GFM2: variants seen among roughly 807,000 people sequenced by gnomAD.
GFM2 encodes the protein ribosome-releasing factor 2, mitochondrial.
In GFM2, 72 loss-of-function variants were observed where a neutral mutation model predicts 95.4. That is an observed-to-expected ratio of 0.76 (90% CI 0.62 to 0.92). The LOEUF (loss-of-function observed/expected upper bound fraction) is 0.92. Ranked by LOEUF, GFM2 falls within the 40% of genes least tolerant of loss-of-function variation. GFM2 has a pLI of 0.00. For missense variants in GFM2, 825 were observed against 924.1 expected (o/e 0.89, Z 1.39); for synonymous variants, 276 against 317.5 (o/e 0.87, Z 1.39).
rs1164598653 is a variant in GFM2, at chr5:74,728,555, T to G, written c.1726+1705A>C. ...AAACCCATGTTGTTCAAGGGTCAAC[T>G]GTACTTTCTATCGCCTCTCTTATTT... On this transcript the variant is annotated intron_variant, in intron 17 of 20. Transcript: ENST00000296805. Among the ~76,000 whole-genome samples, 3 of 152,196 alleles carry G rather than the reference T, an allele frequency of 2.0e-5. No individual in the cohort carries two copies. The East Asian group carries it at 5.8e-4, about 29-fold the overall frequency.
chr5:74,733,896 G>T (rs1358347319), intron 15 of GFM2, among the ~76,000 whole-genome samples: 1 of 152,112 alleles, frequency 6.6e-6, no homozygotes, highest in Non-Finnish European at 1.5e-5. Flanking sequence ...CGAAAATAAT[G>T]TATATTTTAG....
intron 7 of GFM2, among the ~76,000 whole-genome samples, chr5:74,749,768 T>A (rs1743598319): frequency 6.6e-6 from 1 of 152,178 alleles, no homozygotes. Context: ...GTGTTTTTAA[T>A]TTTTTTGTTT....
At chr5:74,738,998 C>T (rs140248872) in intron 12 of GFM2, among the ~76,000 whole-genome samples, 85 of 152,216 alleles carry the variant, frequency 5.6e-4, no homozygotes, top group African/African-American at 1.8e-3. Flanking sequence ...ACTGCTTTTA[C>T]GCTCTCCTTC....
intron 5 of GFM2, among the ~76,000 whole-genome samples, chr5:74,751,842 G>A (rs1743732024): frequency 6.6e-6 from 1 of 152,096 alleles, no homozygotes; most frequent in African/African-American, 2.4e-5. Flanking sequence ...GAGGCCGAGT[G>A]GTACAGTGAA....
At position 74,721,746 on chromosome 5, in the gene GFM2, G is replaced by A. The variant is rs1561231094; in HGVS notation, c.2249C>T (p.Ser750Leu). The change falls in exon 21 of 21, where the codon TCA becomes TTA. Residue 750 changes from serine (S) to leucine (L), a missense_variant. Physicochemically the swap from Ser to Leu is moderately radical, Grantham distance 145 (BLOSUM62 -2). Coordinates refer to ENST00000296805, the MANE Select transcript of GFM2 (RefSeq NM_032380.5). ...AGATAGTTCTAAGGCAAAAGTAGCTGAGCCTGATGTTAGCGTTCGAAGCAC... is the reference window on the plus strand; with the variant it reads ...AGATAGTTCTAAGGCAAAAGTAGCTAAGCCTGATGTTAGCGTTCGAAGCAC... ...STVLRTLTSG[S>L]ATFALELSTY... is the part of the protein sequence containing the mutation. The A allele has an allele frequency of 1.9e-6, 3 of 1,613,490 alleles. No individual in the cohort carries two copies. Among genetic ancestry groups the A allele is most frequent in the South Asian group, 2.2e-5 (2 of 90,972 alleles).
Position 74,725,681 on chromosome 5 carries a change from T to G in GFM2, c.1987A>C (p.Thr663Pro). Reference sequence around the variant, plus strand: ...GAGACACAGGCAGAAATCATAGTTGTGGAGGTGCCAGGATGAATTGTCAGG... The same window carrying G: ...GAGACACAGGCAGAAATCATAGTTGGGGAGGTGCCAGGATGAATTGTCAGG... ...HSLTIHPGTSTTMISACVSRC... is the reference protein window; with the variant it reads ...HSLTIHPGTSPTMISACVSRC... Residue 663 changes from threonine (T) to proline (P), a missense_variant, in exon 19 of 21, where the codon ACA (threonine) becomes CCA (proline). Transcript: ENST00000296805. 1 of 1,613,842 alleles carries G rather than the reference T, an allele frequency of 6.2e-7. No individual in the cohort carries two copies. Among genetic ancestry groups the G allele is most frequent in the Non-Finnish European group, 8.5e-7 (1 of 1,179,830 alleles).
intron 1 of GFM2, among the ~76,000 whole-genome samples, chr5:74,765,970 G>A (rs1317634005): frequency 6.6e-6 from 1 of 151,972 alleles, no homozygotes; most frequent in East Asian, 1.9e-4. Flanking sequence ...TTGCACTCCA[G>A]CCTGTGCGAC....
At chr5:74,722,176 C>A in intron 20 of GFM2, 1 of 577,120 alleles carries the variant, frequency 1.7e-6, no homozygotes, top group Non-Finnish European at 3.0e-6. Flanking sequence ...GTAAATACCC[C>A]CTTGTAGTGC....
At chr5:74,740,745 C>G (rs927413140) in intron 11 of GFM2, among the ~76,000 whole-genome samples, 2 of 152,030 alleles carry the variant, frequency 1.3e-5, no homozygotes, top group African/African-American at 4.8e-5. Flanking sequence ...CAAAAATAAA[C>G]AGTTTCAAAA....
intron 16 of GFM2, among the ~76,000 whole-genome samples, chr5:74,731,192 T>A (rs1742544533): frequency 6.6e-6 from 1 of 152,166 alleles, no homozygotes; most frequent in African/African-American, 2.4e-5. Context: ...ATGGGGGGAA[T>A]AACCTTTCTA....
chr5:74,724,653 C>T (rs1007863550), intron 19 of GFM2, among the ~76,000 whole-genome samples: 28 of 151,994 alleles, frequency 1.8e-4, no homozygotes, highest in Admixed American at 1.4e-3. Context: ...AAACTCATGT[C>T]GAAGAGATAT....
chr5:74,750,738 C>T, intron 6 of GFM2, 71 bp from the exon 7 acceptor site: 1 of 1,082,194 alleles, frequency 9.2e-7, no homozygotes, highest in Non-Finnish European at 1.4e-6. Flanking sequence ...AATCTCACAT[C>T]TCACTCCTGG....
At chr5:74,763,205 G>A (rs773007684) in intron 2 of GFM2, among the ~76,000 whole-genome samples, 5 of 152,180 alleles carry the variant, frequency 3.3e-5, no homozygotes, top group South Asian at 2.1e-4. Flanking sequence ...TCAGACTGCC[G>A]AAGAAGCTGG....
chr5:74,759,348 TGA>T lies in GFM2; in HGVS notation c.206+19_206+20del. On this transcript the variant is annotated intron_variant, in intron 4 of 20. Transcript: ENST00000296805. Reference sequence around the variant, plus strand: ...TTTCGTGACAGTCTATGGAAAAGCATGATATAATGATAGTACTTACTTAGCTA... The same window carrying T: ...TTTCGTGACAGTCTATGGAAAAGCATTATAATGATAGTACTTACTTAGCTA... 1 of 1,370,472 alleles carries T rather than the reference TGA, an allele frequency of 7.3e-7. No homozygotes were observed. The highest frequency in any genetic ancestry group is 1.0e-6 in the Non-Finnish European group (1 of 976,734). The allele number at this position is 1,370,472 out of a possible 1,614,324, so 84.9% of individuals were successfully genotyped here. A position where few individuals can be genotyped will look rare whatever the true frequency, so the allele number is the denominator to read the frequency against.
chr5:74,728,112 G>A (rs1750231359), intron 17 of GFM2, among the ~76,000 whole-genome samples: 1 of 151,996 alleles, frequency 6.6e-6, no homozygotes, highest in South Asian at 2.1e-4. Context: ...ACCTATTTTT[G>A]ATCGTTTCTT....
At chr5:74,733,284 A>G (rs998075524) in intron 15 of GFM2, 186 bp from the exon 16 acceptor site, 1 of 473,490 alleles carries the variant, frequency 2.1e-6, no homozygotes, top group Non-Finnish European at 3.8e-6. Flanking sequence ...TGAGCCCAGG[A>G]GTTTGCGACC....
intron 20 of GFM2, chr5:74,722,178 T>C (rs1579960690): frequency 1.7e-6 from 1 of 580,966 alleles, no homozygotes; most frequent in Non-Finnish European, 3.0e-6. Flanking sequence ...AAATACCCCC[T>C]TGTAGTGCTA....
At chr5:74,723,379 T>C (rs1750005964) in intron 19 of GFM2, among the ~76,000 whole-genome samples, 1 of 152,180 alleles carries the variant, frequency 6.6e-6, no homozygotes, top group African/African-American at 2.4e-5. Flanking sequence ...AGCTCATCAT[T>C]TTCTTCTCCA....
chr5:74,760,901 C>T lies in GFM2; in HGVS notation c.148+1G>A, dbSNP rs1446152150. On this transcript the variant is annotated splice_donor_variant, in intron 3 of 20. Transcript: ENST00000296805. LOFTEE classifies it high-confidence loss of function. ...AAATTAGAAGACTCTAACATTTGTACCTGGTAGAGAACTGCAATTTCTTCC... is the reference window on the plus strand; with the variant it reads ...AAATTAGAAGACTCTAACATTTGTATCTGGTAGAGAACTGCAATTTCTTCC... 2 of 1,576,958 alleles carry T rather than the reference C, an allele frequency of 1.3e-6. No homozygotes were observed. Among genetic ancestry groups the T allele is most frequent in the East Asian group, 4.5e-5 (2 of 44,606 alleles).
Sources: gnomAD v4.1 joint callset for allele counts (sites outside exome capture counted in the v4.1 genomes callset) on GRCh38, gnomAD v4.1.1 for gene constraint, MANE v1.5 for transcripts, NCBI Gene and HGNC (gene_info 2026-07-23, HGNC 2026-07-21) for gene names.